KIAA1217: variants seen among roughly 807,000 people sequenced by gnomAD.
The protein encoded by KIAA1217 is KIAA1217.
KIAA1217 carries 88 observed loss-of-function variants against 163.9 expected under a neutral mutation model. The observed-to-expected ratio is 0.54, with a 90% CI of 0.45 to 0.64. The LOEUF is 0.64. KIAA1217 is among the 30% of genes least tolerant of loss of function. The pLI is 0.00. For synonymous variants in KIAA1217, 903 were observed against 923.1 expected (o/e 0.98, Z 0.39); for missense variants, 2,372 against 2,475.0 (o/e 0.96, Z 0.88).
intron 2 of KIAA1217, among the ~76,000 whole-genome samples, chr10:24,117,919 A>G (rs1290324789): frequency 6.6e-6 from 1 of 152,150 alleles, no homozygotes; most frequent in Non-Finnish European, 1.5e-5. Flanking sequence ...TTAGGAATGC[A>G]CTCACAAAAT....
In KIAA1217 at chr10:24,513,565, G is replaced by T. The variant is rs2069543015; in HGVS notation, c.2177+131G>T. 4 of 806,124 alleles carry T rather than the reference G, an allele frequency of 5.0e-6. No individual in the cohort carries two copies. In the South Asian group the frequency reaches 7.1e-5, roughly 14 times the overall value. 49.9% of individuals were successfully genotyped at this position (806,124 alleles called of 1,614,324 possible). A position where few individuals can be genotyped will look rare whatever the true frequency, so the allele number is the denominator to read the frequency against. On this transcript the variant is annotated intron_variant, in intron 10 of 20. Transcript: ENST00000376454. ...GAGCACCTACTGTGTAAAAGTTAGAGTTCTGCTGATGCTGGTATATGTGGA... is the reference window on the plus strand; with the variant it reads ...GAGCACCTACTGTGTAAAAGTTAGATTTCTGCTGATGCTGGTATATGTGGA...
intron 5 of KIAA1217, among the ~76,000 whole-genome samples, chr10:24,468,420 T>C (rs527698712): frequency 6.6e-6 from 1 of 152,338 alleles, no homozygotes; most frequent in African/African-American, 2.4e-5. Context: ...AACTCCGTCT[T>C]AGAAAGTCAG....
At position 23,982,532 on chromosome 10, in the gene KIAA1217, TCTC is replaced by T. The variant is rs1845813234; in HGVS notation, c.-320-24692_-320-24690del. ...TCTGTATTGCTCTGTTTTTTGTTTC[TCTC>T]TCTCTCTCTCTCTCTCTCTCTCTCT... is the stretch of plus-strand genomic sequence containing the variant. On this transcript the variant is annotated intron_variant, in intron 1 of 18. Transcript: ENST00000376462. Among the ~76,000 whole-genome samples the T allele has an allele frequency of 1.7e-3, 104 of 62,196 alleles. 1 individual carries two copies. The highest frequency in any genetic ancestry group is 8.8e-3 in the African/African-American group (98 of 11,104). The allele number at this position is 62,196 out of a possible 152,430, so 40.8% of individuals were successfully genotyped here.
chr10:24,362,939 A>G (rs1591323206), intron 2 of KIAA1217, among the ~76,000 whole-genome samples: 1 of 151,798 alleles, frequency 6.6e-6, no homozygotes, highest in East Asian at 1.9e-4. Context: ...AATTTAATTA[A>G]AAAAAAAGAA....
intron 2 of KIAA1217, among the ~76,000 whole-genome samples, chr10:24,259,185 G>A (rs538828087): frequency 3.3e-5 from 5 of 152,044 alleles, no homozygotes; most frequent in African/African-American, 1.2e-4. Context: ...CTGTTTGTGA[G>A]CGTGTCTACT....
Position 24,049,356 on chromosome 10 carries a change from A to G in KIAA1217, c.-171+41982A>G, listed in dbSNP as rs552314192. Among the ~76,000 whole-genome samples the G allele has an allele frequency of 1.2e-4, 18 of 152,320 alleles. No individual in the cohort carries two copies. The South Asian group carries it at 3.5e-3, about 30-fold the overall frequency. ...AACAGTCTCCGAGTTTTACAGTGGC[A>G]TAGAAACCTAAAGATCGTATAAATT... is the stretch of plus-strand genomic sequence containing the variant. On this transcript the variant is annotated intron_variant, in intron 2 of 18. Coordinates refer to the KIAA1217 transcript ENST00000376462.
intron 9 of KIAA1217, among the ~76,000 whole-genome samples, chr10:24,512,615 T>C (rs1002703261): frequency 6.6e-6 from 1 of 152,236 alleles, no homozygotes; most frequent in Non-Finnish European, 1.5e-5. Flanking sequence ...TCATCCAGAA[T>C]CATTATCATT....
chr10:23,920,492 A>G (rs1842811461), intron 1 of KIAA1217, among the ~76,000 whole-genome samples: 2 of 152,208 alleles, frequency 1.3e-5, no homozygotes, highest in South Asian at 4.1e-4. Context: ...TTTCAGGTTA[A>G]TGACTTGTGG....
In KIAA1217 at chr10:24,480,552, A is replaced by T. The variant is rs74972877; in HGVS notation, c.1679+6492A>T. 4.6e-5 allele frequency among the ~76,000 whole-genome samples: 7 copies of T among 152,324 alleles called. No individual in the cohort carries two copies. In the East Asian group the frequency reaches 1.2e-3, roughly 25 times the overall value. ...CTGCCTCCATTTGCTCAACTGTGAC[A>T]TAGAGATAATAATAGTATCTACCCC... is the stretch of plus-strand genomic sequence containing the variant. On this transcript the variant is annotated intron_variant, in intron 6 of 20. Transcript: ENST00000376454.
At chr10:24,141,393 GAC>G (rs1397467527) in intron 2 of KIAA1217, among the ~76,000 whole-genome samples, 3 of 152,184 alleles carry the variant, frequency 2.0e-5, no homozygotes, top group South Asian at 4.1e-4. Context: ...CTTGGACCCA[GAC>G]ACAGTGTAAT....
intron 2 of KIAA1217, among the ~76,000 whole-genome samples, chr10:24,301,190 G>GCC (rs924337928): frequency 1.3e-5 from 2 of 152,078 alleles, no homozygotes; most frequent in African/African-American, 4.8e-5. Flanking sequence ...GCAGATAAGT[G>GCC]CCCCCCTGCT....
intron 2 of KIAA1217, among the ~76,000 whole-genome samples, chr10:24,059,444 G>A (rs978842103): frequency 1.3e-4 from 20 of 152,034 alleles, no homozygotes; most frequent in African/African-American, 4.1e-4. Context: ...AGTGTTTGAG[G>A]GGGTTAGAAT....
At chr10:24,099,355 T>C (rs1024716924) in intron 2 of KIAA1217, among the ~76,000 whole-genome samples, 2 of 149,382 alleles carry the variant, frequency 1.3e-5, no homozygotes, top group Non-Finnish European at 3.0e-5. Flanking sequence ...CCACGGCAGG[T>C]CCCAGTGAGT....
At chr10:24,044,799 GT>G (rs914143366) in intron 2 of KIAA1217, among the ~76,000 whole-genome samples, 5 of 151,976 alleles carry the variant, frequency 3.3e-5, no homozygotes, top group African/African-American at 1.2e-4. Context: ...TTCTCTTACA[GT>G]TTTAAAGTCT....
chr10:24,164,259 ACTTGCCCTGCCTGG>A (rs2065243903), intron 2 of KIAA1217, among the ~76,000 whole-genome samples: 1 of 152,218 alleles, frequency 6.6e-6, no homozygotes, highest in African/African-American at 2.4e-5. Flanking sequence ...GGACATTTGT[ACTTGCCCTGCCTGG>A]GAATCACTTA....
At chr10:24,403,699 A>C (rs2131139992) in intron 3 of KIAA1217, among the ~76,000 whole-genome samples, 1 of 152,380 alleles carries the variant, frequency 6.6e-6, no homozygotes, top group East Asian at 1.9e-4. Flanking sequence ...AACTACAGAA[A>C]GAGACATTTC....
chr10:24,226,550 G>C (rs908332480), intron 2 of KIAA1217, among the ~76,000 whole-genome samples: 1 of 151,918 alleles, frequency 6.6e-6, no homozygotes, highest in Non-Finnish European at 1.5e-5. Flanking sequence ...GCTGAGGTGG[G>C]AGAATTGCTT....
At chr10:24,446,335 A>G (rs2060930412) in intron 5 of KIAA1217, among the ~76,000 whole-genome samples, 1 of 151,986 alleles carries the variant, frequency 6.6e-6, no homozygotes, top group African/African-American at 2.4e-5. Flanking sequence ...CTTTCATGGT[A>G]TCTTTTTATA....
chr10:23,709,156 C>T (rs935092583), intron 1 of KIAA1217, among the ~76,000 whole-genome samples: 8 of 152,104 alleles, frequency 5.3e-5, no homozygotes, highest in African/African-American at 9.7e-5. Flanking sequence ...CACCAGCCTG[C>T]GGCCACTTGA....
Sources: gnomAD v4.1 joint callset for allele counts (sites outside exome capture counted in the v4.1 genomes callset) on GRCh38, gnomAD v4.1.1 for gene constraint, MANE v1.5 for transcripts, NCBI Gene and HGNC (gene_info 2026-07-23, HGNC 2026-07-21) for gene names.